The following CREG2 variants were observed in gnomAD, a reference collection of about 807,000 sequenced individuals.
CREG2 encodes the protein cellular repressor of E1A stimulated genes 2.
Under a neutral mutation model 26.2 loss-of-function variants are expected in CREG2, and 24 were observed. The observed-to-expected ratio is 0.92, with a 90% CI of 0.66 to 1.29. The LOEUF is 1.29. Ranked by LOEUF, CREG2 falls within the 50% of genes most tolerant of loss-of-function variation. The pLI is 0.00. For missense variants in CREG2, 366 were observed against 398.6 expected, an observed-to-expected ratio of 0.92 and a Z score of 0.70; for synonymous variants, 174 against 169.2, an observed-to-expected ratio of 1.03 and a Z score of -0.22.
intron 2 of CREG2, among the ~76,000 whole-genome samples, chr2:101,355,925 G>A (rs1684451451): frequency 6.6e-6 from 1 of 152,058 alleles, no homozygotes; most frequent in African/African-American, 2.4e-5. Flanking sequence ...GCTCAGTGGC[G>A]AGTCAGGGTG....
intron 2 of CREG2, among the ~76,000 whole-genome samples, chr2:101,361,350 C>T (rs886569802): frequency 2.6e-5 from 4 of 152,112 alleles, no homozygotes; most frequent in Non-Finnish European, 4.4e-5. Context: ...AAGAGGAAGT[C>T]GGTTGCTAAT....
At chr2:101,378,337 G>A (rs1684820978) in intron 2 of CREG2, among the ~76,000 whole-genome samples, 2 of 152,144 alleles carry the variant, frequency 1.3e-5, no homozygotes, top group South Asian at 2.1e-4. Flanking sequence ...ATATAAGACC[G>A]GCTTAAATGT....
At chr2:101,377,825 C>G (rs1387043788) in intron 2 of CREG2, among the ~76,000 whole-genome samples, 1 of 152,132 alleles carries the variant, frequency 6.6e-6, no homozygotes, top group Admixed American at 6.5e-5. Flanking sequence ...AATTATTAGG[C>G]AAGACATGTT....
At chr2:101,357,550 GATA>G (rs766703388) in intron 2 of CREG2, among the ~76,000 whole-genome samples, 8 of 152,132 alleles carry the variant, frequency 5.3e-5, no homozygotes, top group Non-Finnish European at 1.2e-4. Context: ...GCAGCACAAT[GATA>G]ATATTAGTCA....
rs527292696 is a variant in CREG2 at position 101,348,684 on chromosome 2, T to TAAAA, written c.*2235_*2238dup. The TAAAA allele has an allele frequency of 4.0e-5, 6 of 151,072 alleles. No homozygotes were observed. The South Asian group carries it at 1.0e-3, about 26-fold the overall frequency. 9.4% of individuals were successfully genotyped at this position (151,072 alleles called of 1,614,324 possible). A position where few individuals can be genotyped will look rare whatever the true frequency, so the allele number is the denominator to read the frequency against. ...ACATACTAGTTCCAGAGTTTTTTTT[T>TAAAA]AAAAAAAATAGATTATTTGGAATTT... On this transcript the variant is annotated 3_prime_UTR_variant, in exon 4 of 4. Coordinates refer to ENST00000324768, the MANE Select transcript of CREG2 (RefSeq NM_153836.4).
intron 2 of CREG2, among the ~76,000 whole-genome samples, chr2:101,356,544 G>A (rs1311409999): frequency 1.4e-5 from 2 of 148,024 alleles, no homozygotes; most frequent in South Asian, 2.1e-4. Flanking sequence ...TGTCAGGTGG[G>A]TTTTCTTTCT....
At chr2:101,363,877 C>T (rs896003070) in intron 2 of CREG2, among the ~76,000 whole-genome samples, 5 of 151,656 alleles carry the variant, frequency 3.3e-5, no homozygotes, top group African/African-American at 1.2e-4. Context: ...CACACACACA[C>T]ACACACAGAC....
At chr2:101,376,192 T>TA (rs1355888118) in intron 2 of CREG2, 1 of 152,402 alleles carries the variant, frequency 6.6e-6, no homozygotes, top group African/African-American at 2.4e-5. Context: ...CCATTCAACT[T>TA]ACAACAGGGA....
chr2:101,359,637 T>C (rs1036617445), intron 2 of CREG2, among the ~76,000 whole-genome samples: 2 of 151,992 alleles, frequency 1.3e-5, no homozygotes, highest in African/African-American at 4.8e-5. Context: ...CTGGTGGGGG[T>C]GGGATTGGGC....
intron 2 of CREG2, among the ~76,000 whole-genome samples, chr2:101,368,924 G>A (rs948651661): frequency 6.6e-6 from 1 of 152,146 alleles, no homozygotes; most frequent in Non-Finnish European, 1.5e-5. Flanking sequence ...AAGCCACCCA[G>A]TCTGTGGTAT....
intron 2 of CREG2, among the ~76,000 whole-genome samples, chr2:101,362,909 T>C (rs1030655088): frequency 6.6e-6 from 1 of 152,138 alleles, no homozygotes; most frequent in Non-Finnish European, 1.5e-5. Flanking sequence ...CCTTCCTGCC[T>C]GAGGACCCTG....
Position 101,383,652 on chromosome 2 carries a change from G to A in CREG2, c.492C>T (p.Phe164=). The A allele has an allele frequency of 6.2e-7, 1 of 1,613,950 alleles. No homozygotes were observed. The highest frequency in any genetic ancestry group is 8.5e-7 in the Non-Finnish European group (1 of 1,179,918). Residue 164 remains phenylalanine (F), a synonymous_variant, in exon 2 of 4, where the codon TTC becomes TTT. Coordinates refer to ENST00000324768, the MANE Select transcript of CREG2 (RefSeq NM_153836.4). Reference sequence around the variant, plus strand: ...AGAAAGGAATCCCAGTGCTATTGTTGAAGGGGCCATCACTGACGGGCAGGC... The same window carrying A: ...AGAAAGGAATCCCAGTGCTATTGTTAAAGGGGCCATCACTGACGGGCAGGC... ...GNCLPVSDGP[F]NNSTGIPFFY...
rs1282679473 is a variant in CREG2 at position 101,387,283 on chromosome 2, T to C, written c.175A>G (p.Met59Val). 5 of 1,483,478 alleles carry C rather than the reference T, an allele frequency of 3.4e-6. No homozygotes were observed. The highest frequency in any genetic ancestry group is 4.5e-6 in the Non-Finnish European group (5 of 1,109,554). 91.9% of individuals were successfully genotyped at this position (1,483,478 alleles called of 1,614,324 possible). Residue 59 changes from methionine (M) to valine (V), a missense_variant, in exon 1 of 4, where the codon ATG becomes GTG. By Grantham distance (21) the Met-to-Val change is conservative. Around this residue, in one of 3 missense-constraint regions of CREG2, gnomAD observed 177 missense variants for 183.3 expected, o/e 0.97. Coordinates refer to ENST00000324768, the MANE Select transcript of CREG2 (RefSeq NM_153836.4). The surrounding 1 kb of genome is among the most constrained non-coding windows in gnomAD (Gnocchi z 4.7). ...ELDSASTEEAMPALLEDSGSI... is the reference protein window; with the variant it reads ...ELDSASTEEAVPALLEDSGSI... The stretch of plus-strand genomic sequence containing the variant: ...CCCGAATCCTCTAGCAGCGCGGGCA[T>C]AGCCTCCTCAGTGGAGGCGCTGTCC...
At chr2:101,371,323 T>A (rs1163146662) in intron 2 of CREG2, among the ~76,000 whole-genome samples, 1 of 152,134 alleles carries the variant, frequency 6.6e-6, no homozygotes, top group African/African-American at 2.4e-5. Context: ...TTCATCTCGT[T>A]AGAGATGCAC....
intron 3 of CREG2, among the ~76,000 whole-genome samples, chr2:101,351,890 A>C (rs1179518072): frequency 6.6e-6 from 1 of 152,064 alleles, no homozygotes; most frequent in African/African-American, 2.4e-5. Flanking sequence ...ATTTATTAAA[A>C]AATTTTTTTT....
At chr2:101,377,302 C>G (rs979726223) in intron 2 of CREG2, among the ~76,000 whole-genome samples, 1 of 152,006 alleles carries the variant, frequency 6.6e-6, no homozygotes, top group Admixed American at 6.6e-5. Flanking sequence ...GATAAAACCT[C>G]TTTGGGTTTC....
Position 101,387,473 on chromosome 2 carries a change from C to T in CREG2, c.-16G>A. ...GCACGGACATCTTGCAGGCAGCACG[C>T]CCGGCCGCCGGGGCCGCCAGCAGCG... is the stretch of plus-strand genomic sequence containing the variant. On this transcript the variant is annotated 5_prime_UTR_variant, in exon 1 of 4. Coordinates refer to ENST00000324768, the MANE Select transcript of CREG2 (RefSeq NM_153836.4). The surrounding 1 kb of genome is among the most constrained non-coding windows in gnomAD (Gnocchi z 4.7). 1 of 1,024,738 alleles carries T rather than the reference C, an allele frequency of 9.8e-7. No individual in the cohort carries two copies. Among genetic ancestry groups the T allele is most frequent in the Non-Finnish European group, 1.2e-6 (1 of 806,014 alleles). The allele number at this position is 1,024,738 out of a possible 1,614,324, so 63.5% of individuals were successfully genotyped here. A position where few individuals can be genotyped will look rare whatever the true frequency, so the allele number is the denominator to read the frequency against.
At chr2:101,383,442 T>G (rs1171474243) in intron 2 of CREG2, 91 bp downstream of exon 2, 1 of 1,234,898 alleles carries the variant, frequency 8.1e-7, no homozygotes, top group Non-Finnish European at 1.1e-6. Flanking sequence ...AGAGTTCTGT[T>G]AAAGTCATGT....
intron 2 of CREG2, among the ~76,000 whole-genome samples, chr2:101,379,017 GA>G (rs944193908): frequency 1.3e-5 from 2 of 149,492 alleles, no homozygotes; most frequent in Non-Finnish European, 3.0e-5. Flanking sequence ...AAAAAAAAAA[GA>G]AAAAAGAAAA....
Sources: gnomAD v4.1 joint callset for allele counts (sites outside exome capture counted in the v4.1 genomes callset) on GRCh38, gnomAD v4.1.1 for gene constraint, gnomAD v4.1.1 regional missense constraint, Gnocchi (gnomAD v3.1) non-coding constraint, MANE v1.5 for transcripts, NCBI Gene and HGNC (gene_info 2026-07-23, HGNC 2026-07-21) for gene names.